The following ZNF728 variants were observed in gnomAD, a reference collection of about 807,000 sequenced individuals.
The protein encoded by ZNF728 is zinc finger protein 728.
In ZNF728, 12 loss-of-function variants were observed where a neutral mutation model predicts 12.5. The ratio of observed to expected loss-of-function variants is 0.96; its 90% CI spans 0.61 to 1.55. The LOEUF is 1.55. Among genes scored for constraint, ZNF728 ranks in the 40% most tolerant of loss-of-function variants. ZNF728 has a pLI of 0.00. For missense variants in ZNF728, 692 were observed against 719.2 expected (o/e 0.96, Z 0.43); for synonymous variants, 205 against 240.7 (o/e 0.85, Z 1.37).
At chr19:22,989,340 C>A (rs4624316) in intron 1 of ZNF728, among the ~76,000 whole-genome samples, 3 of 151,800 alleles carry the variant, frequency 2.0e-5, no homozygotes, top group African/African-American at 7.3e-5. Flanking sequence ...ATTGAATGAG[C>A]CTGTGTTTTT....
intron 2 of ZNF728, among the ~76,000 whole-genome samples, 162 bp from the exon 3 acceptor site, chr19:22,987,565 T>A (rs1171005368): frequency 6.6e-6 from 1 of 152,202 alleles, no homozygotes; most frequent in Non-Finnish European, 1.5e-5. Flanking sequence ...ACACTCTAAT[T>A]TTGTAAGTTC....
intron 3 of ZNF728, among the ~76,000 whole-genome samples, chr19:22,982,824 C>CT (rs1003099987): frequency 3.3e-5 from 5 of 152,090 alleles, no homozygotes; most frequent in African/African-American, 1.2e-4. Context: ...GAAAACTGAA[C>CT]TGGACCCCTT....
Position 22,988,306 on chromosome 19 carries a change from G to A in ZNF728, c.130+19C>T, listed in dbSNP as rs751863174. 35 of 1,613,894 alleles carry A rather than the reference G, an allele frequency of 2.2e-5. No homozygotes were observed. Among genetic ancestry groups the A allele is most frequent in the Middle Eastern group, 1.6e-4 (1 of 6,082 alleles). Reference sequence around the variant, plus strand: ...ACCTATAGTGTATACTAGGAATTGCGTATTAAAGTTATTCTCACCCAGGAA... The same window carrying A: ...ACCTATAGTGTATACTAGGAATTGCATATTAAAGTTATTCTCACCCAGGAA... On this transcript the variant is annotated intron_variant, in intron 2 of 3. Transcript: ENST00000594710.
In ZNF728 at chr19:22,975,861, G is replaced by A; in HGVS notation, c.1476C>T (p.Ser492=). ...TTCTCTTATGTTCCATAAGGTTTGA[G>A]GACCACTTAAAGGCTTTGCCACATT... ...CEECGKAFKW[S]SNLMEHKRIH... is the part of the protein sequence containing the mutation. Residue 492 remains serine, a synonymous_variant, in exon 4 of 4, where the codon TCC becomes TCT. Coordinates refer to ENST00000594710, the MANE Select transcript of ZNF728 (RefSeq NM_001267716.2). 1 of 1,612,010 alleles carries A rather than the reference G, an allele frequency of 6.2e-7. No homozygotes were observed. Among genetic ancestry groups the A allele is most frequent in the Non-Finnish European group, 8.5e-7 (1 of 1,179,310 alleles).
chr19:22,990,601 C>A (rs1374982284), intron 1 of ZNF728, among the ~76,000 whole-genome samples: 1 of 152,230 alleles, frequency 6.6e-6, no homozygotes, highest in Non-Finnish European at 1.5e-5. Context: ...CCTGCCCCTA[C>A]CAAATCCAAA....
At chr19:22,981,158 A>G (rs1418854260) in intron 3 of ZNF728, among the ~76,000 whole-genome samples, 1 of 152,168 alleles carries the variant, frequency 6.6e-6, no homozygotes, top group Non-Finnish European at 1.5e-5. Context: ...AGAAGAAAGG[A>G]GAGAATCAAA....
intron 3 of ZNF728, among the ~76,000 whole-genome samples, chr19:22,979,645 C>T (rs1260878377): frequency 6.6e-6 from 1 of 152,124 alleles, no homozygotes; most frequent in Admixed American, 6.5e-5. Flanking sequence ...GGAAGCCCAT[C>T]AGACTAAAAG....
rs1016544130 is a variant in ZNF728 at position 22,975,774 on chromosome 19, T to C, written c.1563A>G (p.Ala521=). ...GAATTACCTTATGTTTAGTAAGGTT[T>C]GCAACCTTACTGAAGGCTTTGCCAC... is the stretch of plus-strand genomic sequence containing the variant. ...EECGKAFSKV[A]NLTKHKVIHT... Residue 521 remains alanine (A), a synonymous_variant, in exon 4 of 4, where the codon GCA becomes GCG. Coordinates refer to ENST00000594710, the MANE Select transcript of ZNF728 (RefSeq NM_001267716.2). The C allele has an allele frequency of 1.2e-6, 2 of 1,612,072 alleles. No individual in the cohort carries two copies. Among genetic ancestry groups the C allele is most frequent in the African/African-American group, 2.7e-5 (2 of 74,874 alleles).
chr19:22,993,862 A>G (rs1253939096), intron 1 of ZNF728, among the ~76,000 whole-genome samples: 1 of 152,210 alleles, frequency 6.6e-6, no homozygotes, highest in African/African-American at 2.4e-5. Context: ...TCTGAGTCTG[A>G]TAACTAAAAG....
intron 3 of ZNF728, 72 bp downstream of exon 3, chr19:22,987,236 T>A (rs1968925995): frequency 1.5e-6 from 2 of 1,339,016 alleles, no homozygotes; most frequent in African/African-American, 1.5e-5. Flanking sequence ...GCTTCCCATA[T>A]CACTTTAAGG....
chr19:22,987,440 A>T, intron 2 of ZNF728, 37 bp from the exon 3 acceptor site: 2 of 1,545,690 alleles, frequency 1.3e-6, no homozygotes, highest in African/African-American at 1.4e-5. Context: ...CATCTTGCTC[A>T]TATTCTCCAA....
At chr19:22,985,184 A>G (rs1471621202) in intron 3 of ZNF728, among the ~76,000 whole-genome samples, 1 of 152,224 alleles carries the variant, frequency 6.6e-6, no homozygotes, top group Non-Finnish European at 1.5e-5. Flanking sequence ...ATGCAAAATG[A>G]AATGAGTCAG....
intron 1 of ZNF728, among the ~76,000 whole-genome samples, chr19:22,990,620 G>C (rs1568277093): frequency 6.6e-6 from 1 of 152,130 alleles, no homozygotes; most frequent in Non-Finnish European, 1.5e-5. Flanking sequence ...AACAGAACAG[G>C]TTCTTGGACC....
chr19:22,993,622 G>C (rs761323230), intron 1 of ZNF728, among the ~76,000 whole-genome samples: 13 of 152,316 alleles, frequency 8.5e-5, no homozygotes, highest in Non-Finnish European at 1.8e-4. Context: ...AAAAGGAACA[G>C]TGAGTGAGCT....
At chr19:22,999,507 G>A (rs1240647109) in intron 1 of ZNF728, among the ~76,000 whole-genome samples, 2 of 152,016 alleles carry the variant, frequency 1.3e-5, no homozygotes, top group East Asian at 3.9e-4. Flanking sequence ...GGAACTAACT[G>A]GGCCTTTAAT....
At chr19:22,994,523 CAGAA>C (rs1195326070) in intron 1 of ZNF728, among the ~76,000 whole-genome samples, 1 of 152,176 alleles carries the variant, frequency 6.6e-6, no homozygotes, top group Non-Finnish European at 1.5e-5. Flanking sequence ...ATTGCAAAGA[CAGAA>C]AGACAGTGAC....
Position 22,975,640 on chromosome 19 carries a change from C to T in ZNF728, c.1697G>A (p.Cys566Tyr), listed in dbSNP as rs1489143307. 6.2e-7 allele frequency: 1 copy of T among 1,611,992 alleles called. No individual in the cohort carries two copies. The highest frequency in any genetic ancestry group is 1.6e-4 in the Middle Eastern group (1 of 6,062). Residue 566 changes from cysteine to tyrosine, a missense_variant, in exon 4 of 4, where the codon TGT becomes TAT. By Grantham distance (194) the Cys-to-Tyr change is radical. Around this residue, in one of 3 missense-constraint regions of ZNF728, gnomAD observed 244 missense variants for 235.2 expected, o/e 1.04. Transcript: ENST00000594710. Reference sequence around the variant, plus strand: ...GCTAAAGGCTTTGCCACATTCTTCACATTTGTAGGGTTTCTCTCCAGTATG... The same window carrying T: ...GCTAAAGGCTTTGCCACATTCTTCATATTTGTAGGGTTTCTCTCCAGTATG... Reference protein sequence around the residue: ...RIHTGEKPYKCEECGKAFSWV... With the variant: ...RIHTGEKPYKYEECGKAFSWV...
At position 22,975,744 on chromosome 19, in the gene ZNF728, A is replaced by G; in HGVS notation, c.1593T>C (p.Thr531=). ...ANLTKHKVIH[T]GEKQYKCEEC... Reference sequence around the variant, plus strand: ...CTTCACATTTGTATTGTTTCTCTCCAGTATGAATTACCTTATGTTTAGTAA... The same window carrying G: ...CTTCACATTTGTATTGTTTCTCTCCGGTATGAATTACCTTATGTTTAGTAA... Residue 531 remains threonine, a synonymous_variant, in exon 4 of 4, where the codon ACT becomes ACC. Transcript: ENST00000594710. 4 of 1,611,808 alleles carry G rather than the reference A, an allele frequency of 2.5e-6. No homozygotes were observed. The highest frequency in any genetic ancestry group is 3.4e-6 in the Non-Finnish European group (4 of 1,179,876).
intron 3 of ZNF728, among the ~76,000 whole-genome samples, chr19:22,984,573 A>ATACAC (rs1454286182): frequency 2.1e-4 from 18 of 86,584 alleles, no homozygotes; most frequent in African/African-American, 1.2e-3. Context: ...AAAAAAAAAA[A>ATACAC]AAATACACAC....
Sources: allele counts gnomAD v4.1 joint callset (sites outside exome capture counted in the v4.1 genomes callset), GRCh38; gene constraint gnomAD v4.1.1; regional missense constraint gnomAD v4.1.1; transcripts MANE v1.5; gene names NCBI Gene and HGNC (gene_info 2026-07-23, HGNC 2026-07-21).